Variants in RUNX1 observed in about 807,000 individuals in gnomAD.
The protein encoded by RUNX1 is runt-related transcription factor 1.
RUNX1 carries 19 observed loss-of-function variants against 42.8 expected under a neutral mutation model. The ratio of observed to expected loss-of-function variants is 0.44; its 90% CI spans 0.31 to 0.65. RUNX1 has a LOEUF of 0.65. Among genes scored for constraint, RUNX1 ranks in the 30% least tolerant of loss-of-function variants. The pLI is 0.07. For synonymous variants in RUNX1, 271 were observed against 289.4 expected (o/e 0.94, Z 0.64); for missense variants, 528 against 672.0 (o/e 0.79, Z 2.37).
rs2058002974 is a variant in RUNX1 at position 34,887,000 on chromosome 21, G to A, written c.194C>T (p.Ala65Val). Residue 65 changes from alanine to valine, a missense_variant, in exon 4 of 9, where the codon GCT (alanine) becomes GTT (valine). Ala to Val is a moderately conservative substitution (Grantham distance 64, BLOSUM62 0). Around this residue, in one of 3 missense-constraint regions of RUNX1, gnomAD observed 114 missense variants for 115.0 expected, o/e 0.99. Coordinates refer to ENST00000675419, the MANE Select transcript of RUNX1 (RefSeq NM_001754.5). ...GCTCCTCAGCTTGCCGGCCAGGGCA[G>A]CGCCGGCGTCCGGGGCGCCCAGCGG... is the stretch of plus-strand genomic sequence containing the variant. The part of the protein sequence containing the change: ...ALPLGAPDAG[A>V]ALAGKLRSGD... 1 of 1,604,674 alleles carries A rather than the reference G, an allele frequency of 6.2e-7. No homozygotes were observed. The highest frequency in any genetic ancestry group is 8.5e-7 in the Non-Finnish European group (1 of 1,177,880).
rs1204496396 is a variant in RUNX1, at chr21:34,968,752, T to G, written c.59-75789A>C. Among the ~76,000 whole-genome samples the G allele has an allele frequency of 2.0e-5, 3 of 152,046 alleles. No homozygotes were observed. In the East Asian group the frequency reaches 5.8e-4, roughly 29 times the overall value. Reference sequence around the variant, plus strand: ...TACTGTGAGCAGGTGGTCTGATCTGTGGAAAACTTCTATGATTCACCTGAG... The same window carrying G: ...TACTGTGAGCAGGTGGTCTGATCTGGGGAAAACTTCTATGATTCACCTGAG... On this transcript the variant is annotated intron_variant, in intron 2 of 8. Coordinates refer to ENST00000675419, the MANE Select transcript of RUNX1 (RefSeq NM_001754.5).
chr21:34,946,824 C>T (rs1439736238), intron 2 of RUNX1, among the ~76,000 whole-genome samples: 2 of 152,154 alleles, frequency 1.3e-5, no homozygotes, highest in African/African-American at 2.4e-5. Context: ...CACAAAGGGA[C>T]TGGTAATTCC....
chr21:34,987,032 C>T (rs1187484756), intron 2 of RUNX1, among the ~76,000 whole-genome samples: 1 of 152,244 alleles, frequency 6.6e-6, no homozygotes, highest in African/African-American at 2.4e-5. Flanking sequence ...CACAAGGCTG[C>T]ATGCCCAGGT....
rs977089771 is a variant in RUNX1 at position 35,038,123 on chromosome 21, G to A, written c.58+10719C>T. On this transcript the variant is annotated intron_variant, in intron 2 of 8. Coordinates refer to ENST00000675419, the MANE Select transcript of RUNX1 (RefSeq NM_001754.5). ...CAAATCCTCTTGACAACCATACAAAGTAGGGCTCATTCCCCTTGTTTACAG... is the reference window on the plus strand; with the variant it reads ...CAAATCCTCTTGACAACCATACAAAATAGGGCTCATTCCCCTTGTTTACAG... Among the ~76,000 whole-genome samples, 20 of 152,242 alleles carry A rather than the reference G, an allele frequency of 1.3e-4. No homozygotes were observed. In the South Asian group the frequency reaches 2.3e-3, roughly 17 times the overall value.
rs543153432 is a variant in RUNX1, at chr21:34,922,349, T to C, written c.59-29386A>G. ...CCATCCCTGGGCTAGGAACTTGATC[T>C]CTCTTATTTTATGTAATTCTTTTAA... On this transcript the variant is annotated intron_variant, in intron 2 of 8. Coordinates refer to ENST00000675419, the MANE Select transcript of RUNX1 (RefSeq NM_001754.5). Among the ~76,000 whole-genome samples, 5 of 152,288 alleles carry C rather than the reference T, an allele frequency of 3.3e-5. No homozygotes were observed. The South Asian group carries it at 1.0e-3, about 32-fold the overall frequency.
At chr21:34,809,354 G>A (rs1256573631) in intron 7 of RUNX1, among the ~76,000 whole-genome samples, 2 of 151,974 alleles carry the variant, frequency 1.3e-5, no homozygotes, top group Non-Finnish European at 2.9e-5. Flanking sequence ...TGAGGGCTGG[G>A]ATATCTCAAG....
chr21:34,869,897 TG>T (rs1355914778), intron 5 of RUNX1, among the ~76,000 whole-genome samples: 1 of 152,202 alleles, frequency 6.6e-6, no homozygotes, highest in Non-Finnish European at 1.5e-5. Flanking sequence ...AAAATACGAT[TG>T]GGAATTAAAA....
chr21:34,848,109 C>T (rs1028494352), intron 6 of RUNX1, among the ~76,000 whole-genome samples: 1 of 152,162 alleles, frequency 6.6e-6, no homozygotes, highest in Non-Finnish European at 1.5e-5. Flanking sequence ...CGGTGCTATG[C>T]CCTAACATGA....
intron 5 of RUNX1, among the ~76,000 whole-genome samples, chr21:34,874,610 CAA>C (rs59950735): frequency 1.2e-4 from 3 of 25,294 alleles, no homozygotes; most frequent in African/African-American, 2.3e-4. Flanking sequence ...AACTCTGTCT[CAA>C]AAAAAAAAAA....
In RUNX1 at chr21:34,916,752, G is replaced by A. The variant is rs917862530; in HGVS notation, c.59-23789C>T. Among the ~76,000 whole-genome samples the A allele has an allele frequency of 4.6e-5, 7 of 152,138 alleles. No individual in the cohort carries two copies. The East Asian group carries it at 5.8e-4, about 13-fold the overall frequency. On this transcript the variant is annotated intron_variant, in intron 2 of 8. Coordinates refer to ENST00000675419, the MANE Select transcript of RUNX1 (RefSeq NM_001754.5). Reference sequence around the variant, plus strand: ...AATGGCACATGTTGGATGCAGCTGCGGGACATATCAGCATGGGAAGAGAGG... The same window carrying A: ...AATGGCACATGTTGGATGCAGCTGCAGGACATATCAGCATGGGAAGAGAGG...
chr21:34,853,956 G>A (rs918423478), intron 6 of RUNX1, among the ~76,000 whole-genome samples: 1 of 152,062 alleles, frequency 6.6e-6, no homozygotes, highest in Non-Finnish European at 1.5e-5. Context: ...GGGACTACAG[G>A]CGTGTACCAC....
chr21:35,023,460 G>A (rs1198314466), intron 2 of RUNX1, among the ~76,000 whole-genome samples: 1 of 152,208 alleles, frequency 6.6e-6, no homozygotes, highest in Non-Finnish European at 1.5e-5. Context: ...GTCCCAGGTG[G>A]GTGGGTGGAT....
chr21:35,027,232 G>C (rs2059244054), intron 2 of RUNX1, among the ~76,000 whole-genome samples: 1 of 152,246 alleles, frequency 6.6e-6, no homozygotes. Flanking sequence ...GAGGCAGAGA[G>C]GCCAACATTT....
chr21:34,957,257 T>C (rs897684441), intron 2 of RUNX1, among the ~76,000 whole-genome samples: 5 of 152,132 alleles, frequency 3.3e-5, no homozygotes, highest in African/African-American at 1.2e-4. Flanking sequence ...ATGTGATAAT[T>C]ATCAATTATA....
At chr21:35,045,466 G>A (rs536501360) in intron 2 of RUNX1, among the ~76,000 whole-genome samples, 5 of 152,222 alleles carry the variant, frequency 3.3e-5, no homozygotes, top group African/African-American at 7.2e-5. Context: ...TTAAAATGAC[G>A]TCATTAGGCT....
Position 34,788,501 on chromosome 21 carries a change from T to G in RUNX1, c.*3634A>C, listed in dbSNP as rs1489600137. 1 of 233,040 alleles carries G rather than the reference T, an allele frequency of 4.3e-6. No homozygotes were observed. Among genetic ancestry groups the G allele is most frequent in the Non-Finnish European group, 8.5e-6 (1 of 117,806 alleles). The allele number at this position is 233,040 out of a possible 1,614,324, so 14.4% of individuals were successfully genotyped here. On this transcript the variant is annotated 3_prime_UTR_variant, in exon 9 of 9. Transcript: ENST00000675419. ...AATAAACAAAGTAGAAAGAAGCATT[T>G]TTTTCCCTACAGTATTTAGCAAACC...
intron 2 of RUNX1, among the ~76,000 whole-genome samples, chr21:35,003,831 C>G (rs55901652): frequency 0.27 from 41,269 of 152,004 alleles, 6,222 homozygotes; most frequent in African/African-American, 0.38. Context: ...GCACTGTGAT[C>G]CAACCTGGAG....
At chr21:35,029,878 C>A (rs566706216) in intron 2 of RUNX1, among the ~76,000 whole-genome samples, 4 of 152,186 alleles carry the variant, frequency 2.6e-5, no homozygotes, top group Non-Finnish European at 5.9e-5. Flanking sequence ...AACCTTGTCA[C>A]GATCACATTT....
chr21:34,876,275 T>C (rs2057812481), intron 5 of RUNX1, among the ~76,000 whole-genome samples: 1 of 152,190 alleles, frequency 6.6e-6, no homozygotes, highest in Admixed American at 6.5e-5. Context: ...TTCAAGGAGA[T>C]CTACTTTCTT....
Sources: gnomAD v4.1 joint callset for allele counts (sites outside exome capture counted in the v4.1 genomes callset) on GRCh38, gnomAD v4.1.1 for gene constraint, gnomAD v4.1.1 regional missense constraint, MANE v1.5 for transcripts, NCBI Gene and HGNC (gene_info 2026-07-23, HGNC 2026-07-21) for gene names.